Variants in USP15 observed in about 807,000 individuals in gnomAD.
The protein encoded by USP15 is ubiquitin carboxyl-terminal hydrolase 15.
Under a neutral mutation model 127.1 loss-of-function variants are expected in USP15, and 18 were observed. That is an observed-to-expected ratio of 0.14 (90% confidence interval 0.10 to 0.21). The LOEUF (loss-of-function observed/expected upper bound fraction) is 0.21, where lower values mean the gene tolerates loss of function less well. USP15 is among the 10% of genes least tolerant of loss of function. The pLI is 1.00. For synonymous variants in USP15, 364 were observed against 393.7 expected, an observed-to-expected ratio of 0.92 and a Z score of 0.89; for missense variants, 805 against 1,159.9, an observed-to-expected ratio of 0.69 and a Z score of 4.44.
intron 11 of USP15, among the ~76,000 whole-genome samples, chr12:62,388,333 A>G (rs951721221): frequency 5.3e-5 from 8 of 152,034 alleles, no homozygotes; most frequent in African/African-American, 1.2e-4. Flanking sequence ...GGGTTTTGCC[A>G]TGTTATCCAG....
intron 11 of USP15, among the ~76,000 whole-genome samples, chr12:62,385,360 G>T (rs2067115684): frequency 6.6e-6 from 1 of 151,834 alleles, no homozygotes; most frequent in East Asian, 1.9e-4. Flanking sequence ...AGCTATATTT[G>T]AACAAAATTA....
rs1288642646 is a variant in USP15, at chr12:62,412,848, G to A, written c.*8473G>A. The A allele has an allele frequency of 6.6e-6, 1 of 152,196 alleles. No homozygotes were observed. The highest frequency in any genetic ancestry group is 1.5e-5 in the Non-Finnish European group (1 of 68,042). 9.4% of individuals were successfully genotyped at this position (152,196 alleles called of 1,614,324 possible). On this transcript the variant is annotated 3_prime_UTR_variant, in exon 22 of 22. Coordinates refer to ENST00000280377, the MANE Select transcript of USP15 (RefSeq NM_001252078.2). ...TAACTTCTTTCAAACTCTTGTTAAT[G>A]TTGATATTTTGACTCCCATGAATCA...
At chr12:62,327,548 T>C in intron 6 of USP15, 1 of 372,628 alleles carries the variant, frequency 2.7e-6, no homozygotes, top group South Asian at 2.0e-5. Context: ...GTTTGTGGAT[T>C]AATATTAAAA....
intron 10 of USP15, 23 bp downstream of exon 10, chr12:62,384,021 C>A: frequency 6.2e-7 from 1 of 1,610,474 alleles, no homozygotes; most frequent in South Asian, 1.1e-5. Context: ...ATCCTATTGT[C>A]ACCATTGTTA....
intron 3 of USP15, among the ~76,000 whole-genome samples, chr12:62,306,936 A>G (rs550246841): frequency 1.4e-4 from 21 of 152,258 alleles, no homozygotes; most frequent in African/African-American, 4.6e-4. Context: ...TCCTGTCAGT[A>G]GTAATATTAA....
intron 8 of USP15, among the ~76,000 whole-genome samples, chr12:62,380,966 G>A (rs1489890952): frequency 6.6e-6 from 1 of 152,062 alleles, no homozygotes; most frequent in African/African-American, 2.4e-5. Context: ...TGTTCTCTCA[G>A]GCTCAAGTAA....
At chr12:62,366,596 G>A (rs1488992526) in intron 8 of USP15, among the ~76,000 whole-genome samples, 2 of 152,140 alleles carry the variant, frequency 1.3e-5, no homozygotes, top group African/African-American at 4.8e-5. Context: ...TGTTGAATAG[G>A]AGTGGTGAGA....
rs933328145 is a variant in USP15, at chr12:62,408,536, TTTTG to T, written c.*4169_*4172del. On this transcript the variant is annotated 3_prime_UTR_variant, in exon 22 of 22. Transcript: ENST00000280377. ...AAGAGTAGAAGTTTTTGCTCATTTT[TTTTG>T]TTTGTTTTTACTTTACAAAAAAATA... is the stretch of plus-strand genomic sequence containing the variant. The T allele has an allele frequency of 2.6e-5, 4 of 152,142 alleles. No homozygotes were observed. The highest frequency in any genetic ancestry group is 2.1e-4 in the South Asian group (1 of 4,836). 9.4% of individuals were successfully genotyped at this position (152,142 alleles called of 1,614,324 possible).
intron 7 of USP15, among the ~76,000 whole-genome samples, chr12:62,354,370 A>C (rs1003657917): frequency 1.3e-5 from 2 of 151,976 alleles, no homozygotes; most frequent in Admixed American, 1.3e-4. Context: ...TGTTCTATTT[A>C]TAGCATCATT....
chr12:62,281,261 G>A (rs1010150061), intron 1 of USP15, among the ~76,000 whole-genome samples: 2 of 152,094 alleles, frequency 1.3e-5, no homozygotes, highest in Non-Finnish European at 2.9e-5. Flanking sequence ...TCTTGTCTAC[G>A]TCTTCTAATC....
chr12:62,361,874 G>T (rs1326066542), intron 8 of USP15, among the ~76,000 whole-genome samples: 1 of 151,922 alleles, frequency 6.6e-6, no homozygotes, highest in Non-Finnish European at 1.5e-5. Context: ...CAGTGAGTTG[G>T]TTACTTAAAC....
chr12:62,332,118 C>T (rs1191791105), intron 6 of USP15, among the ~76,000 whole-genome samples: 5 of 151,126 alleles, frequency 3.3e-5, no homozygotes, highest in Non-Finnish European at 1.5e-5. Flanking sequence ...GAGCTGAGAT[C>T]GCGCCAGTGC....
chr12:62,294,314 T>TTTC lies in USP15; in HGVS notation c.217+10_217+11insCTT. On this transcript the variant is annotated intron_variant, in intron 2 of 21. Coordinates refer to ENST00000280377, the MANE Select transcript of USP15 (RefSeq NM_001252078.2). ...ACTCTGGACTTCTCAAAGGTCATTATTTTCTTCCTTCAGTCAAGTTGTAAA... is the reference window on the plus strand; with the variant it reads ...ACTCTGGACTTCTCAAAGGTCATTATTTCTTTCTTCCTTCAGTCAAGTTGTAAA... The TTTC allele has an allele frequency of 6.2e-7, 1 of 1,602,470 alleles. No homozygotes were observed. The highest frequency in any genetic ancestry group is 8.5e-7 in the Non-Finnish European group (1 of 1,177,110).
Position 62,411,443 on chromosome 12 carries a change from AAAAC to A in USP15, c.*7072_*7075del, listed in dbSNP as rs1355428253. 3 of 152,236 alleles carry A rather than the reference AAAAC, an allele frequency of 2.0e-5. No homozygotes were observed. Among genetic ancestry groups the A allele is most frequent in the African/African-American group, 7.2e-5 (3 of 41,460 alleles). 9.4% of individuals were successfully genotyped at this position (152,236 alleles called of 1,614,324 possible). A position where few individuals can be genotyped will look rare whatever the true frequency, so the allele number is the denominator to read the frequency against. ...GATTCAAGATATAAAGTAATATACA[AAAAC>A]AAAATCCAGTTACAAATATAATTTT... On this transcript the variant is annotated 3_prime_UTR_variant, in exon 22 of 22. Transcript: ENST00000280377.
chr12:62,349,176 A>G, intron 6 of USP15, 45 bp from the exon 7 acceptor site: 1 of 1,169,520 alleles, frequency 8.6e-7, no homozygotes, highest in Admixed American at 3.1e-5. Flanking sequence ...TAATTTAAAA[A>G]TTCTTCATTT....
intron 1 of USP15, among the ~76,000 whole-genome samples, chr12:62,276,093 G>A (rs2063482669): frequency 6.6e-6 from 1 of 152,036 alleles, no homozygotes; most frequent in Admixed American, 6.6e-5. Flanking sequence ...TGTAAGAATC[G>A]TGTGTAATGA....
At chr12:62,266,778 A>G (rs538901038) in intron 1 of USP15, among the ~76,000 whole-genome samples, 9 of 152,120 alleles carry the variant, frequency 5.9e-5, no homozygotes, top group Non-Finnish European at 1.0e-4. Context: ...GAGAGAAATT[A>G]ATTTGCTTGC....
chr12:62,377,501 C>T (rs534657475), intron 8 of USP15, among the ~76,000 whole-genome samples: 21 of 152,294 alleles, frequency 1.4e-4, no homozygotes, highest in African/African-American at 3.8e-4. Flanking sequence ...GGGCAGATCA[C>T]TTGAGGTCAG....
chr12:62,311,158 T>G (rs1417382861), intron 3 of USP15, among the ~76,000 whole-genome samples: 2 of 151,888 alleles, frequency 1.3e-5, no homozygotes, highest in African/African-American at 4.8e-5. Flanking sequence ...TTTTCTACAC[T>G]TCAACAGGTT....
Sources: allele counts gnomAD v4.1 joint callset (sites outside exome capture counted in the v4.1 genomes callset), GRCh38; gene constraint gnomAD v4.1.1; transcripts MANE v1.5; gene names NCBI Gene and HGNC (gene_info 2026-07-23, HGNC 2026-07-21).